Variants in NRG1 observed in about 807,000 individuals in gnomAD.
The protein encoded by NRG1 is neuregulin 1.
A neutral mutation model predicts 63.8 loss-of-function variants in NRG1; 18 were observed. That is an observed-to-expected ratio of 0.28 (90% CI 0.19 to 0.42). The LOEUF is 0.42. Among genes scored for constraint, NRG1 ranks in the 10% least tolerant of loss-of-function variants. NRG1 has a pLI of 1.00. For synonymous variants in NRG1, 302 were observed against 301.3 expected, an observed-to-expected ratio of 1.00 and a Z score of -0.02; for missense variants, 762 against 814.7, an observed-to-expected ratio of 0.94 and a Z score of 0.79.
Position 31,803,393 on chromosome 8 carries a change from T to A in NRG1, c.37+163962T>A, listed in dbSNP as rs566143367. On this transcript the variant is annotated intron_variant, in intron 1 of 10. Coordinates refer to the NRG1 transcript ENST00000519301. The stretch of plus-strand genomic sequence containing the variant: ...CACCGACAGAGAGCTGGTAGTGGAA[T>A]CCCTGTTTTCTATTCACCTTCCTAC... Among the ~76,000 whole-genome samples, 5 of 152,268 alleles carry A rather than the reference T, an allele frequency of 3.3e-5. No homozygotes were observed. In the East Asian group the frequency reaches 9.7e-4, roughly 29 times the overall value.
At chr8:32,088,816 C>T (rs1214536166) in intron 1 of NRG1, among the ~76,000 whole-genome samples, 1 of 152,112 alleles carries the variant, frequency 6.6e-6, no homozygotes, top group Non-Finnish European at 1.5e-5. Flanking sequence ...CTGCGCCTGG[C>T]CCAGGTCATC....
At chr8:32,764,635 G>A in exon 12 of NRG1, 1 of 371,180 alleles carries the variant, frequency 2.7e-6, no homozygotes, top group East Asian at 4.8e-5. Flanking sequence ...GTTATGTTAT[G>A]TCGAGAGCAA....
intron 1 of NRG1, among the ~76,000 whole-genome samples, chr8:32,532,992 A>G (rs1831603802): frequency 2.0e-5 from 3 of 151,810 alleles, no homozygotes. Context: ...GATATAACCT[A>G]TGCCTTAGAT....
intron 1 of NRG1, among the ~76,000 whole-genome samples, chr8:32,054,556 T>C (rs1822531209): frequency 6.6e-6 from 1 of 152,182 alleles, no homozygotes; most frequent in South Asian, 2.1e-4. Context: ...ATGATGATGT[T>C]TGGAAGTTGT....
At chr8:32,084,278 GT>G (rs551695467) in intron 1 of NRG1, among the ~76,000 whole-genome samples, 1 of 151,904 alleles carries the variant, frequency 6.6e-6, no homozygotes, top group Admixed American at 6.6e-5. Context: ...ATCTCACAGA[GT>G]TTTTTTTGGA....
intron 6 of NRG1, among the ~76,000 whole-genome samples, chr8:32,736,450 C>T (rs1353959802): frequency 6.6e-6 from 1 of 152,158 alleles, no homozygotes; most frequent in African/African-American, 2.4e-5. Context: ...ACACTGCCAC[C>T]TCGAGTTTAC....
In NRG1 at chr8:32,031,962, G is replaced by A. The variant is rs1308289632; in HGVS notation, c.37+392531G>A. On this transcript the variant is annotated intron_variant, in intron 1 of 10. Coordinates refer to the NRG1 transcript ENST00000519301. ...TTTGTAATAAAATGATTTATATCTT[G>A]GGGGGTAGATACCCAGTAATGGGAT... Among the ~76,000 whole-genome samples, 9 of 151,996 alleles carry A rather than the reference G, an allele frequency of 5.9e-5. No homozygotes were observed. The East Asian group carries it at 1.5e-3, about 26-fold the overall frequency.
At chr8:32,085,667 G>C (rs1828104601) in intron 1 of NRG1, among the ~76,000 whole-genome samples, 1 of 152,142 alleles carries the variant, frequency 6.6e-6, no homozygotes. Context: ...TTGTACATAT[G>C]ATGGTGTCTC....
At chr8:32,058,433 A>G (rs1273969946) in intron 1 of NRG1, among the ~76,000 whole-genome samples, 2 of 152,076 alleles carry the variant, frequency 1.3e-5, no homozygotes, top group Admixed American at 6.6e-5. Flanking sequence ...ACAAATACAT[A>G]TTTACTTCTT....
intron 1 of NRG1, among the ~76,000 whole-genome samples, chr8:32,512,057 T>C (rs553942342): frequency 3.3e-5 from 5 of 151,978 alleles, no homozygotes; most frequent in African/African-American, 9.7e-5. Context: ...CAGGAATGGA[T>C]TGGCCTGAGC....
chr8:32,027,976 T>C (rs1328438994), intron 1 of NRG1, among the ~76,000 whole-genome samples: 1 of 152,192 alleles, frequency 6.6e-6, no homozygotes, highest in East Asian at 1.9e-4. Context: ...TTTTCTTGCT[T>C]GGGTAAAGTT....
chr8:32,274,861 GA>G (rs202213904), intron 1 of NRG1, among the ~76,000 whole-genome samples: 5 of 151,238 alleles, frequency 3.3e-5, no homozygotes, highest in African/African-American at 7.3e-5. Flanking sequence ...GTCTCTCTGG[GA>G]AAAAAAAATC....
intron 1 of NRG1, among the ~76,000 whole-genome samples, chr8:32,353,233 A>G (rs1317311472): frequency 6.6e-6 from 1 of 150,610 alleles, no homozygotes; most frequent in East Asian, 1.9e-4. Context: ...GTTTCAAAAT[A>G]ACAATTGTTA....
At chr8:31,944,359 C>CTAT (rs1802220250) in intron 1 of NRG1, among the ~76,000 whole-genome samples, 1 of 152,134 alleles carries the variant, frequency 6.6e-6, no homozygotes, top group African/African-American at 2.4e-5. Context: ...GGAATACATA[C>CTAT]TATTATTGTC....
chr8:32,484,126 G>A (rs1335014683), intron 1 of NRG1, among the ~76,000 whole-genome samples: 2 of 151,814 alleles, frequency 1.3e-5, no homozygotes, highest in South Asian at 2.1e-4. Flanking sequence ...AGAAAGTTTG[G>A]GCAAAACCTA....
intron 1 of NRG1, among the ~76,000 whole-genome samples, chr8:32,046,895 A>G (rs1282929758): frequency 6.6e-6 from 1 of 152,082 alleles, no homozygotes; most frequent in Admixed American, 6.6e-5. Context: ...TCATAAAACT[A>G]TGATTTATAT....
At chr8:32,402,992 G>C (rs1359851729) in intron 1 of NRG1, among the ~76,000 whole-genome samples, 1 of 151,910 alleles carries the variant, frequency 6.6e-6, no homozygotes, top group African/African-American at 2.4e-5. Flanking sequence ...AAACACAGAA[G>C]CCAAGAAAGA....
intron 1 of NRG1, among the ~76,000 whole-genome samples, chr8:31,673,671 A>G (rs1485210496): frequency 1.3e-5 from 2 of 152,094 alleles, no homozygotes; most frequent in African/African-American, 2.4e-5. Flanking sequence ...CTCTTTTGTC[A>G]TGTTCTGGTT....
intron 5 of NRG1, chr8:32,647,939 G>GA: frequency 6.2e-7 from 1 of 1,614,164 alleles, no homozygotes. Context: ...TCAACTCAGA[G>GA]AAAATCTGCA....
Sources: gnomAD v4.1 joint callset for allele counts (sites outside exome capture counted in the v4.1 genomes callset) on GRCh38, gnomAD v4.1.1 for gene constraint, MANE v1.5 for transcripts, NCBI Gene and HGNC (gene_info 2026-07-23, HGNC 2026-07-21) for gene names.